ADGRB3: variants seen among roughly 807,000 people sequenced by gnomAD.
ADGRB3 encodes the protein brain-specific angiogenesis inhibitor 3.
A neutral mutation model predicts 193.4 loss-of-function variants in ADGRB3; 37 were observed. The observed-to-expected ratio is 0.19, with a 90% CI of 0.15 to 0.25. The LOEUF (loss-of-function observed/expected upper bound fraction) is 0.25, where lower values mean the gene tolerates loss of function less well. Ranked by LOEUF, ADGRB3 falls within the 10% of genes least tolerant of loss-of-function variation. The probability of loss-of-function intolerance (pLI) is 1.00; values close to 1 mark genes in which losing one functional copy is unlikely to be tolerated. For missense variants in ADGRB3, 1,637 were observed against 1,852.9 expected (o/e 0.88, Z 2.14); for synonymous variants, 690 against 644.2 (o/e 1.07, Z -1.08).
At chr6:69,176,967 G>T (rs1344807132) in intron 17 of ADGRB3, among the ~76,000 whole-genome samples, 2 of 152,108 alleles carry the variant, frequency 1.3e-5, no homozygotes, top group African/African-American at 2.4e-5. Context: ...TGTGGAATTG[G>T]TTGTATAGTC....
chr6:68,817,755 T>C (rs1767664788), intron 3 of ADGRB3, among the ~76,000 whole-genome samples: 1 of 152,042 alleles, frequency 6.6e-6, no homozygotes. Context: ...TCAAGCCAAA[T>C]TGCATTTGTG....
chr6:68,814,630 A>G (rs1013554607), intron 3 of ADGRB3, among the ~76,000 whole-genome samples: 7 of 152,124 alleles, frequency 4.6e-5, no homozygotes, highest in African/African-American at 1.7e-4. Flanking sequence ...GCCCATGCCT[A>G]TGTCCTGAGG....
At chr6:68,875,862 A>G (rs1765581494) in intron 3 of ADGRB3, among the ~76,000 whole-genome samples, 4 of 152,104 alleles carry the variant, frequency 2.6e-5, no homozygotes, top group Admixed American at 2.6e-4. Flanking sequence ...AATGAGAAGG[A>G]GAAAGCCTAT....
At chr6:69,006,508 T>A (rs1769756731) in intron 11 of ADGRB3, among the ~76,000 whole-genome samples, 1 of 151,964 alleles carries the variant, frequency 6.6e-6, no homozygotes, top group Non-Finnish European at 1.5e-5. Context: ...AGTCTTTTTT[T>A]TTTTCTTTTT....
intron 17 of ADGRB3, among the ~76,000 whole-genome samples, chr6:69,206,877 A>T (rs1025410657): frequency 5.0e-4 from 76 of 151,820 alleles, no homozygotes; most frequent in African/African-American, 1.8e-3. Flanking sequence ...AGTGACCCAA[A>T]CTTTCTTTCT....
chr6:68,703,530 A>G (rs1186511791), intron 3 of ADGRB3, among the ~76,000 whole-genome samples: 1 of 152,182 alleles, frequency 6.6e-6, no homozygotes, highest in Non-Finnish European at 1.5e-5. Flanking sequence ...TTATGGCTCT[A>G]CATAGGGAAT....
At chr6:68,961,472 G>A (rs1165351318) in intron 8 of ADGRB3, among the ~76,000 whole-genome samples, 1 of 152,126 alleles carries the variant, frequency 6.6e-6, no homozygotes, top group Non-Finnish European at 1.5e-5. Context: ...TTGGTGTGGG[G>A]ATGGTGTCAT....
At chr6:68,825,801 C>T (rs192976724) in intron 3 of ADGRB3, among the ~76,000 whole-genome samples, 214 of 152,270 alleles carry the variant, frequency 1.4e-3, no homozygotes, top group Admixed American at 4.1e-3. Flanking sequence ...CTTTGCTTTC[C>T]GCAATGATTG....
chr6:69,029,092 T>C (rs760240452), intron 13 of ADGRB3, among the ~76,000 whole-genome samples: 3 of 152,182 alleles, frequency 2.0e-5, no homozygotes, highest in Non-Finnish European at 4.4e-5. Flanking sequence ...TTGTTTCATT[T>C]TCTTGCTCAG....
chr6:68,946,432 A>G (rs1441339149), intron 6 of ADGRB3, among the ~76,000 whole-genome samples: 3 of 152,158 alleles, frequency 2.0e-5, no homozygotes, highest in Non-Finnish European at 4.4e-5. Context: ...AGATTCAGAC[A>G]TAAGCATATG....
chr6:69,250,308 TTTC>T (rs1480841946), intron 20 of ADGRB3, among the ~76,000 whole-genome samples: 1 of 122,812 alleles, frequency 8.1e-6, no homozygotes, highest in Non-Finnish European at 1.7e-5. Flanking sequence ...TAGTTCTGCT[TTTC>T]TTATTTACTT....
intron 17 of ADGRB3, among the ~76,000 whole-genome samples, chr6:69,136,208 A>G (rs548508018): frequency 6.6e-6 from 1 of 152,138 alleles, no homozygotes; most frequent in South Asian, 2.1e-4. Flanking sequence ...TGCAAACTAT[A>G]GTAGCCATAA....
chr6:68,948,374 G>A (rs1767828572), intron 6 of ADGRB3, among the ~76,000 whole-genome samples: 1 of 152,068 alleles, frequency 6.6e-6, no homozygotes, highest in Admixed American at 6.6e-5. Context: ...GATCACTTTA[G>A]AACCCTCTGT....
chr6:68,839,071 G>T (rs12202468), intron 3 of ADGRB3, among the ~76,000 whole-genome samples: 1 of 130,822 alleles, frequency 7.6e-6, no homozygotes, highest in Admixed American at 7.7e-5. Flanking sequence ...CTCTCTCTCT[G>T]TCTCTCTGTC....
rs143605009 is a variant in ADGRB3, at chr6:69,102,528, A to G, written c.2480+26490A>G. ...GTTTAAATACATGGCATTAGGGATC[A>G]GGGGTTGCTGGCATTGTGATTGAGG... On this transcript the variant is annotated intron_variant, in intron 17 of 31. Coordinates refer to ENST00000370598, the MANE Select transcript of ADGRB3 (RefSeq NM_001704.3). 1.9e-3 allele frequency among the ~76,000 whole-genome samples: 283 copies of G among 152,204 alleles called. 4 individuals carry two copies. Among genetic ancestry groups the G allele is most frequent in the Admixed American group, 3.4e-3 (52 of 15,296 alleles).
At chr6:69,240,318 T>A (rs1158653034) in intron 20 of ADGRB3, among the ~76,000 whole-genome samples, 1 of 151,976 alleles carries the variant, frequency 6.6e-6, no homozygotes, top group East Asian at 1.9e-4. Context: ...AGGCCACTAA[T>A]CCTGAAGGAA....
rs144682338 is a variant in ADGRB3 at position 68,862,973 on chromosome 6, A to G, written c.758-67586A>G. Among the ~76,000 whole-genome samples the G allele has an allele frequency of 8.1e-4, 123 of 152,300 alleles. 1 individual carries two copies. In the East Asian group the frequency reaches 0.024, roughly 29 times the overall value. The stretch of plus-strand genomic sequence containing the variant: ...GTATAGGTAAGTGCTAAGCATTTGC[A>G]TTACTAACATTATGAAAATGCTATT... On this transcript the variant is annotated intron_variant, in intron 3 of 31. Coordinates refer to ENST00000370598, the MANE Select transcript of ADGRB3 (RefSeq NM_001704.3).
chr6:69,056,110 A>G (rs1306266967), intron 15 of ADGRB3, among the ~76,000 whole-genome samples: 2 of 152,032 alleles, frequency 1.3e-5, no homozygotes, highest in Non-Finnish European at 2.9e-5. Context: ...GATTACAGAC[A>G]TGAGCCACCC....
rs544429328 is a variant in ADGRB3, at chr6:68,919,473, G to A, written c.758-11086G>A. 5.9e-5 allele frequency among the ~76,000 whole-genome samples: 9 copies of A among 152,088 alleles called. No individual in the cohort carries two copies. In the East Asian group the frequency reaches 1.7e-3, roughly 29 times the overall value. ...GTATATTGGCCGATGAGAGTGAGAG[G>A]GTGACAGTTATTTGCCTAAAAGCCA... is the stretch of plus-strand genomic sequence containing the variant. On this transcript the variant is annotated intron_variant, in intron 3 of 31. Transcript: ENST00000370598.
Sources: allele counts gnomAD v4.1 joint callset (sites outside exome capture counted in the v4.1 genomes callset), GRCh38; gene constraint gnomAD v4.1.1; transcripts MANE v1.5; gene names NCBI Gene and HGNC (gene_info 2026-07-23, HGNC 2026-07-21).